Variants in CORO2A observed in about 807,000 individuals in gnomAD.
CORO2A encodes coronin-2A.
CORO2A carries 47 observed loss-of-function variants against 62.4 expected under a neutral mutation model. The ratio of observed to expected loss-of-function variants is 0.75; its 90% CI spans 0.60 to 0.96. CORO2A has a LOEUF of 0.96. CORO2A is among the 40% of genes least tolerant of loss of function. CORO2A has a pLI of 0.00. For missense variants in CORO2A, 610 were observed against 684.1 expected (o/e 0.89, Z 1.21); for synonymous variants, 273 against 268.9 (o/e 1.02, Z -0.15).
chr9:98,173,984 C>T (rs1164666598), intron 1 of CORO2A, among the ~76,000 whole-genome samples: 4 of 152,192 alleles, frequency 2.6e-5, no homozygotes, highest in East Asian at 3.9e-4. Flanking sequence ...GGCGTGGTGG[C>T]GCATGCCTGT....
At chr9:98,149,588 G>T (rs574050295) in intron 2 of CORO2A, among the ~76,000 whole-genome samples, 3 of 152,216 alleles carry the variant, frequency 2.0e-5, no homozygotes, top group African/African-American at 7.2e-5. Context: ...CAGGTGTGCC[G>T]CAGGCCACGG....
intron 2 of CORO2A, among the ~76,000 whole-genome samples, chr9:98,142,221 G>T (rs761073418): frequency 1.3e-5 from 2 of 152,230 alleles, no homozygotes; most frequent in African/African-American, 2.4e-5. Context: ...CAGGCATTGC[G>T]AATGGATCCC....
At chr9:98,170,944 T>C (rs1003150519) in intron 1 of CORO2A, among the ~76,000 whole-genome samples, 1 of 152,234 alleles carries the variant, frequency 6.6e-6, no homozygotes, top group Admixed American at 6.5e-5. Flanking sequence ...AGCCATCAGC[T>C]GTCCTGAGAA....
chr9:98,146,307 C>T (rs1827643418), intron 2 of CORO2A, among the ~76,000 whole-genome samples: 1 of 152,224 alleles, frequency 6.6e-6, no homozygotes, highest in Non-Finnish European at 1.5e-5. Context: ...CCCCTGCTGC[C>T]TTTGTTCCCT....
intron 2 of CORO2A, among the ~76,000 whole-genome samples, chr9:98,154,327 G>GTATATATATATATATATA (rs1252469980): frequency 7.3e-4 from 68 of 93,230 alleles, no homozygotes; most frequent in African/African-American, 1.2e-3. Flanking sequence ...ATGTGTTTGT[G>GTATATATATATATATATA]TGTATATATA....
At chr9:98,125,007 C>A in intron 11 of CORO2A, 102 bp from the exon 12 acceptor site, 1 of 1,388,530 alleles carries the variant, frequency 7.2e-7, no homozygotes, top group Non-Finnish European at 9.8e-7. Context: ...GAGGCGGTCA[C>A]ATTAACATGG....
intron 3 of CORO2A, among the ~76,000 whole-genome samples, chr9:98,136,297 C>A (rs149390994): frequency 4.7e-4 from 71 of 152,334 alleles, no homozygotes; most frequent in African/African-American, 1.6e-3. Flanking sequence ...CCTGATTGTC[C>A]CTTTGGTGAA....
rs375155659 is a variant in CORO2A, at chr9:98,158,245, A to C, written c.1-585T>G. Among the ~76,000 whole-genome samples the C allele has an allele frequency of 2.6e-4, 40 of 152,216 alleles. 1 individual carries two copies. In the East Asian group the frequency reaches 4.2e-3, roughly 16 times the overall value. On this transcript the variant is annotated intron_variant, in intron 1 of 11. Transcript: ENST00000375077. Reference sequence around the variant, plus strand: ...AGGACTGATTGAGCCCAGGAGTTCAAATGTAGCCTGGGCAACACAGTGAGA... The same window carrying C: ...AGGACTGATTGAGCCCAGGAGTTCACATGTAGCCTGGGCAACACAGTGAGA...
chr9:98,192,585 T>TGGCGGC lies in CORO2A; in HGVS notation c.-33_-28dup, dbSNP rs898380015. 4.6e-5 allele frequency: 7 copies of TGGCGGC among 150,868 alleles called. No individual in the cohort carries two copies. The highest frequency in any genetic ancestry group is 2.1e-4 in the South Asian group (1 of 4,838). The allele number at this position is 150,868 out of a possible 1,614,324, so 9.3% of individuals were successfully genotyped here. On this transcript the variant is annotated 5_prime_UTR_variant, in exon 1 of 12. Coordinates refer to ENST00000375077, the MANE Select transcript of CORO2A (RefSeq NM_052820.4). The stretch of plus-strand genomic sequence containing the variant: ...TTGATGACTGCCGCGCAGGTGGCGG[T>TGGCGGC]GGCGGCGGCGGCGTCCAGCTCCGGC...
intron 6 of CORO2A, among the ~76,000 whole-genome samples, chr9:98,131,540 A>T (rs1827409342): frequency 6.6e-6 from 1 of 151,782 alleles, no homozygotes. Flanking sequence ...GCTGGTCTCG[A>T]ATTCGTGGCC....
rs746863742 is a variant in CORO2A, at chr9:98,133,217, C to A, written c.469G>T (p.Val157Leu). 6.8e-6 allele frequency: 11 copies of A among 1,614,114 alleles called. No homozygotes were observed. In the South Asian group the frequency reaches 1.2e-4, roughly 18 times the overall value. The change falls in exon 5 of 12, where the codon GTG (valine) becomes TTG (leucine). Residue 157 changes from valine (V) to leucine (L), a missense_variant and splice_region_variant. Coordinates refer to ENST00000375077, the MANE Select transcript of CORO2A (RefSeq NM_052820.4). ...TTTGTATCCAGGTTCCAGATCATCA[C>A]CTGCATGGCAGAGAGCCAGCTCTGA... ...ILFSAGYDYK[V>L]MIWNLDTKES...
At chr9:98,130,223 G>A (rs567771618) in intron 7 of CORO2A, among the ~76,000 whole-genome samples, 1 of 152,156 alleles carries the variant, frequency 6.6e-6, no homozygotes, top group Non-Finnish European at 1.5e-5. Context: ...TGGGACCACA[G>A]GTGTGTGCCA....
At chr9:98,171,804 G>A (rs1385475895) in intron 1 of CORO2A, among the ~76,000 whole-genome samples, 1 of 152,082 alleles carries the variant, frequency 6.6e-6, no homozygotes, top group East Asian at 1.9e-4. Flanking sequence ...CAGCAATGGG[G>A]CTGCCGCTGG....
intron 4 of CORO2A, among the ~76,000 whole-genome samples, chr9:98,133,997 C>G (rs1827448329): frequency 6.6e-6 from 1 of 152,134 alleles, no homozygotes; most frequent in South Asian, 2.1e-4. Context: ...AGTGATCCTC[C>G]CACCTCAGCC....
At chr9:98,182,064 C>G (rs73498784) in intron 1 of CORO2A, among the ~76,000 whole-genome samples, 8 of 152,078 alleles carry the variant, frequency 5.3e-5, no homozygotes, top group Non-Finnish European at 1.5e-5. Flanking sequence ...CTACTCTGCA[C>G]GCCCTTCACT....
chr9:98,152,113 G>A (rs1288652171), intron 2 of CORO2A, among the ~76,000 whole-genome samples: 1 of 145,416 alleles, frequency 6.9e-6, no homozygotes, highest in Non-Finnish European at 1.5e-5. Flanking sequence ...CACTGCACCC[G>A]GCCTCTTTTG....
At chr9:98,155,809 T>C (rs1202138084) in intron 2 of CORO2A, among the ~76,000 whole-genome samples, 1 of 152,196 alleles carries the variant, frequency 6.6e-6, no homozygotes, top group Non-Finnish European at 1.5e-5. Flanking sequence ...TATTAGTTCT[T>C]ATTAGATTTC....
chr9:98,154,505 T>C (rs2118868482), intron 2 of CORO2A, among the ~76,000 whole-genome samples: 1 of 151,932 alleles, frequency 6.6e-6, no homozygotes, highest in East Asian at 1.9e-4. Flanking sequence ...ACATGAACCA[T>C]TACTAGCACA....
rs1827951955 is a variant in CORO2A at position 98,165,842 on chromosome 9, A to C, written c.1-8182T>G. Among the ~76,000 whole-genome samples the C allele has an allele frequency of 2.0e-5, 3 of 152,134 alleles. No individual in the cohort carries two copies. In the South Asian group the frequency reaches 6.2e-4, roughly 32 times the overall value. ...GGGAACTTTTTATTTGCAAATTCTC[A>C]AGCCTCCTTCCCCAGACCTACTGAA... is the stretch of plus-strand genomic sequence containing the variant. On this transcript the variant is annotated intron_variant, in intron 1 of 11. Coordinates refer to ENST00000375077, the MANE Select transcript of CORO2A (RefSeq NM_052820.4).
Sources: allele counts gnomAD v4.1 joint callset (sites outside exome capture counted in the v4.1 genomes callset), GRCh38; gene constraint gnomAD v4.1.1; transcripts MANE v1.5; gene names NCBI Gene and HGNC (gene_info 2026-07-23, HGNC 2026-07-21).